LRRC4C: variants seen among roughly 807,000 people sequenced by gnomAD.
LRRC4C encodes the protein leucine rich repeat containing 4C, also known as leucine-rich repeat-containing protein 4C.
In LRRC4C, 5 loss-of-function variants were observed where a neutral mutation model predicts 33.6. That is an observed-to-expected ratio of 0.15 (90% CI 0.08 to 0.31). The LOEUF is 0.31. LRRC4C is among the 10% of genes least tolerant of loss of function. The pLI, the probability that LRRC4C is intolerant of heterozygous loss-of-function variation, is 1.00. For synonymous variants in LRRC4C, 329 were observed against 302.0 expected, an observed-to-expected ratio of 1.09 and a Z score of -0.93; for missense variants, 560 against 796.7, an observed-to-expected ratio of 0.70 and a Z score of 3.58.
chr11:41,439,728 G>A (rs944263017), intron 1 of LRRC4C, among the ~76,000 whole-genome samples: 2 of 152,114 alleles, frequency 1.3e-5, no homozygotes, highest in African/African-American at 4.8e-5. Context: ...GGCAACTCAT[G>A]GAAGACAACA....
At chr11:41,325,095 A>G (rs1951068774) in intron 1 of LRRC4C, among the ~76,000 whole-genome samples, 1 of 152,224 alleles carries the variant, frequency 6.6e-6, no homozygotes, top group Non-Finnish European at 1.5e-5. Flanking sequence ...GATTTAAAAA[A>G]TATAATGTAT....
chr11:40,210,252 CA>C (rs372437066), intron 5 of LRRC4C, among the ~76,000 whole-genome samples: 9 of 138,016 alleles, frequency 6.5e-5, no homozygotes, highest in Non-Finnish European at 1.4e-4. Flanking sequence ...GACTCCGTCT[CA>C]AAAAAAAAAC....
chr11:40,645,774 C>A (rs1286878482), intron 3 of LRRC4C, among the ~76,000 whole-genome samples: 1 of 152,066 alleles, frequency 6.6e-6, no homozygotes, highest in Non-Finnish European at 1.5e-5. Flanking sequence ...CCGTGGGTAC[C>A]CCAATCTGAG....
intron 4 of LRRC4C, among the ~76,000 whole-genome samples, chr11:40,315,128 C>T (rs1178769427): frequency 6.6e-6 from 1 of 151,828 alleles, no homozygotes; most frequent in Non-Finnish European, 1.5e-5. Flanking sequence ...ATCTGTATTG[C>T]AGTATCACTG....
At chr11:40,616,224 C>G (rs1358596434) in intron 3 of LRRC4C, among the ~76,000 whole-genome samples, 3 of 151,858 alleles carry the variant, frequency 2.0e-5, no homozygotes, top group Non-Finnish European at 4.4e-5. Context: ...CATCTCACAC[C>G]AGTTAGAATG....
chr11:40,939,752 C>T (rs988780413), intron 1 of LRRC4C, among the ~76,000 whole-genome samples: 15 of 152,160 alleles, frequency 9.9e-5, no homozygotes, highest in African/African-American at 3.6e-4. Context: ...CCTGTGCCAT[C>T]TTCCTGAGTA....
chr11:41,333,868 A>G (rs77416995), intron 1 of LRRC4C, among the ~76,000 whole-genome samples: 2,937 of 152,286 alleles, frequency 0.019, 90 homozygotes, highest in African/African-American at 0.068. Flanking sequence ...TCAATCTATA[A>G]CAATAAGCAA....
chr11:40,446,528 T>G (rs1951642729), intron 3 of LRRC4C: 1 of 152,200 alleles, frequency 6.6e-6, no homozygotes, highest in Non-Finnish European at 1.5e-5. Context: ...TCTTGGCTCC[T>G]CTTAATTAGG....
chr11:40,899,232 T>C (rs1484530283), intron 2 of LRRC4C, among the ~76,000 whole-genome samples: 1 of 152,196 alleles, frequency 6.6e-6, no homozygotes, highest in Non-Finnish European at 1.5e-5. Flanking sequence ...CAGTTCTCCC[T>C]TTCTTCAGCT....
intron 3 of LRRC4C, among the ~76,000 whole-genome samples, chr11:40,451,927 G>T (rs1213442005): frequency 6.6e-6 from 1 of 152,172 alleles, no homozygotes; most frequent in Non-Finnish European, 1.5e-5. Flanking sequence ...ACTGGGGATT[G>T]TCAGACAGTG....
intron 3 of LRRC4C, among the ~76,000 whole-genome samples, chr11:40,628,053 T>C (rs1345101536): frequency 1.3e-5 from 2 of 152,232 alleles, no homozygotes; most frequent in Non-Finnish European, 2.9e-5. Flanking sequence ...TATAGCTCTC[T>C]AGAATATGTA....
In LRRC4C at chr11:40,538,208, C is replaced by T. The variant is rs550123358; in HGVS notation, c.-270+109934G>A. 5.3e-5 allele frequency among the ~76,000 whole-genome samples: 8 copies of T among 152,134 alleles called. No homozygotes were observed. The East Asian group carries it at 1.4e-3, about 26-fold the overall frequency. ...ACATGCAACCAAGTCTGAGAACTGC[C>T]GCTCTCATCACTCTGAGTAATTCTT... is the stretch of plus-strand genomic sequence containing the variant. On this transcript the variant is annotated intron_variant, in intron 3 of 6. Transcript: ENST00000528697.
chr11:41,344,832 C>T lies in LRRC4C; in HGVS notation c.-496+114599G>A, dbSNP rs575343410. Among the ~76,000 whole-genome samples the T allele has an allele frequency of 1.6e-4, 24 of 152,100 alleles. No individual in the cohort carries two copies. The South Asian group carries it at 4.1e-3, about 26-fold the overall frequency. On this transcript the variant is annotated intron_variant, in intron 1 of 6. Coordinates refer to ENST00000528697, the MANE Select transcript of LRRC4C (RefSeq NM_001258419.2). Reference sequence around the variant, plus strand: ...AAATGGGTAAGTGGTTAATTGAACACGTTCAATTGAAAATTAAATTGTATG... The same window carrying T: ...AAATGGGTAAGTGGTTAATTGAACATGTTCAATTGAAAATTAAATTGTATG...
intron 1 of LRRC4C, among the ~76,000 whole-genome samples, chr11:41,050,055 C>G (rs926915313): frequency 1.3e-5 from 2 of 152,170 alleles, no homozygotes; most frequent in African/African-American, 4.8e-5. Flanking sequence ...TTATTACCAT[C>G]TCCTCAGATA....
intron 4 of LRRC4C, among the ~76,000 whole-genome samples, chr11:40,301,418 G>A (rs1193262596): frequency 1.3e-5 from 2 of 152,146 alleles, no homozygotes; most frequent in African/African-American, 4.8e-5. Context: ...TGCCCATAAA[G>A]GTATCTTTAA....
intron 1 of LRRC4C, among the ~76,000 whole-genome samples, chr11:40,974,135 A>C (rs188630119): frequency 6.6e-6 from 1 of 152,370 alleles, no homozygotes; most frequent in East Asian, 1.9e-4. Flanking sequence ...CCATATAGGA[A>C]GTATTACAGG....
rs2136149840 is a variant in LRRC4C at position 40,651,393 on chromosome 11, G to T, written c.-406-3115C>A. 2.0e-5 allele frequency among the ~76,000 whole-genome samples: 3 copies of T among 152,062 alleles called. 1 individual carries two copies. In the Middle Eastern group the frequency reaches 0.01, roughly 517 times the overall value. On this transcript the variant is annotated intron_variant, in intron 2 of 6. Coordinates refer to ENST00000528697, the MANE Select transcript of LRRC4C (RefSeq NM_001258419.2). ...GAGAGAGAGAAAGAGACAGAAAAAA[G>T]TCCTGAATTACATGGGAGAATGAAT...
chr11:40,272,437 C>T (rs946141251), intron 4 of LRRC4C, among the ~76,000 whole-genome samples: 2 of 152,014 alleles, frequency 1.3e-5, no homozygotes, highest in Admixed American at 1.3e-4. Context: ...TGAGTTCTGG[C>T]ATTGTGGATA....
intron 6 of LRRC4C, among the ~76,000 whole-genome samples, chr11:40,124,177 G>A (rs993334785): frequency 4.6e-5 from 7 of 152,118 alleles, no homozygotes; most frequent in Admixed American, 4.6e-4. Context: ...ACAAATGCTG[G>A]TGAGGATGTG....
Sources: gnomAD v4.1 joint callset for allele counts (sites outside exome capture counted in the v4.1 genomes callset) on GRCh38, gnomAD v4.1.1 for gene constraint, MANE v1.5 for transcripts, NCBI Gene and HGNC (gene_info 2026-07-23, HGNC 2026-07-21) for gene names.